C3orf38: variants seen among roughly 807,000 people sequenced by gnomAD.
C3orf38 encodes the protein uncharacterized protein C3orf38.
A neutral mutation model predicts 28.3 loss-of-function variants in C3orf38; 18 were observed. That is an observed-to-expected ratio of 0.64 (90% confidence interval 0.44 to 0.94). The LOEUF (loss-of-function observed/expected upper bound fraction) is 0.94. C3orf38 is among the 40% of genes least tolerant of loss of function. The pLI is 0.00. For synonymous variants in C3orf38, 145 were observed against 138.1 expected (o/e 1.05, Z -0.35); for missense variants, 364 against 396.4 (o/e 0.92, Z 0.69).
chr3:88,152,754 CAAAAAAAAAA>C (rs5850832), intron 1 of C3orf38, among the ~76,000 whole-genome samples: 4 of 100,988 alleles, frequency 4.0e-5, no homozygotes, highest in Non-Finnish European at 2.0e-5. Flanking sequence ...GACTCCGTCT[CAAAAAAAAAA>C]AAAAAAAAGA....
Position 88,153,316 on chromosome 3 carries a change from T to G in C3orf38, c.220T>G (p.Tyr74Asp), listed in dbSNP as rs777724555. The change falls in exon 2 of 3, where the codon TAC becomes GAC. Residue 74 changes from tyrosine to aspartate, a missense_variant. Tyr to Asp is a radical substitution (Grantham distance 160). Coordinates refer to ENST00000318887, the MANE Select transcript of C3orf38 (RefSeq NM_173824.4). The part of the protein sequence containing the change: ...RKVHREVIFK[Y>D]LATQGIVIPP... Reference sequence around the variant, plus strand: ...AGTCCACCGAGAAGTTATATTTAAGTACTTGGCAACACAGGGGATTGTTAT... The same window carrying G: ...AGTCCACCGAGAAGTTATATTTAAGGACTTGGCAACACAGGGGATTGTTAT... 19 of 1,613,480 alleles carry G rather than the reference T, an allele frequency of 1.2e-5. No homozygotes were observed. The highest frequency in any genetic ancestry group is 1.6e-5 in the Non-Finnish European group (19 of 1,179,932).
At position 88,156,707 on chromosome 3, in the gene C3orf38, G is replaced by A. The variant is rs1314883893; in HGVS notation, c.*72G>A. 4.5e-5 allele frequency: 67 copies of A among 1,476,980 alleles called. No individual in the cohort carries two copies. Among genetic ancestry groups the A allele is most frequent in the Non-Finnish European group, 5.8e-5 (64 of 1,100,880 alleles). 91.5% of individuals were successfully genotyped at this position (1,476,980 alleles called of 1,614,324 possible). On this transcript the variant is annotated 3_prime_UTR_variant, in exon 3 of 3. Coordinates refer to ENST00000318887, the MANE Select transcript of C3orf38 (RefSeq NM_173824.4). ...CTGACCCTCTAAAGCGCTAAGTACT[G>A]TCAGCCTGAAAAAAATCTTCTATAC...
At chr3:88,150,852 C>G (rs1436167327) in intron 1 of C3orf38, 2 of 152,044 alleles carry the variant, frequency 1.3e-5, no homozygotes, top group African/African-American at 2.4e-5. Flanking sequence ...TTCCAGATTC[C>G]CATATTAGTA....
Position 88,157,877 on chromosome 3 carries a change from T to C in C3orf38, c.*1242T>C, listed in dbSNP as rs905068460. The C allele has an allele frequency of 1.3e-5, 2 of 152,178 alleles. No individual in the cohort carries two copies. The highest frequency in any genetic ancestry group is 4.8e-5 in the African/African-American group (2 of 41,458). 9.4% of individuals were successfully genotyped at this position (152,178 alleles called of 1,614,324 possible). A position where few individuals can be genotyped will look rare whatever the true frequency, so the allele number is the denominator to read the frequency against. On this transcript the variant is annotated 3_prime_UTR_variant, in exon 3 of 3. Coordinates refer to ENST00000318887, the MANE Select transcript of C3orf38 (RefSeq NM_173824.4). Reference sequence around the variant, plus strand: ...GCCTGGAAACTCATCTTTGTTTTTTTAATGCTATGCCTCTTACGAGGAATA... The same window carrying C: ...GCCTGGAAACTCATCTTTGTTTTTTCAATGCTATGCCTCTTACGAGGAATA...
In C3orf38 at chr3:88,156,006, A is replaced by G. The variant is rs759661900; in HGVS notation, c.376-15A>G. On this transcript the variant is annotated splice_polypyrimidine_tract_variant and intron_variant, in intron 2 of 2. Coordinates refer to ENST00000318887, the MANE Select transcript of C3orf38 (RefSeq NM_173824.4). ...CTTAGTGTTATTTTGTATTTATTTTATTTGTTTCAATCAGCAGGTGAAAGA... is the reference window on the plus strand; with the variant it reads ...CTTAGTGTTATTTTGTATTTATTTTGTTTGTTTCAATCAGCAGGTGAAAGA... 3.3e-6 allele frequency: 5 copies of G among 1,511,316 alleles called. No individual in the cohort carries two copies. In the East Asian group the frequency reaches 1.1e-4, roughly 34 times the overall value. 93.6% of individuals were successfully genotyped at this position (1,511,316 alleles called of 1,614,324 possible).
chr3:88,152,791 C>A (rs984540808), intron 1 of C3orf38, among the ~76,000 whole-genome samples: 2 of 151,650 alleles, frequency 1.3e-5, no homozygotes, highest in Non-Finnish European at 2.9e-5. Flanking sequence ...ATCATTGATA[C>A]CTAATATGGC....
Position 88,156,258 on chromosome 3 carries a change from C to T in C3orf38, c.613C>T (p.Leu205=). 9 of 1,614,192 alleles carry T rather than the reference C, an allele frequency of 5.6e-6. No homozygotes were observed. Among genetic ancestry groups the T allele is most frequent in the Non-Finnish European group, 7.6e-6 (9 of 1,180,042 alleles). Residue 205 remains leucine (L), a synonymous_variant, in exon 3 of 3, where the codon CTA becomes TTA. Coordinates refer to ENST00000318887, the MANE Select transcript of C3orf38 (RefSeq NM_173824.4). ...AATCGTGAGCCTTCGTTTGCTGTCA[C>T]TAGTAAAAGAAGAATTTCTTTTTCT... ...AEIVSLRLLS[L]VKEEFLFLSP...
intron 1 of C3orf38, among the ~76,000 whole-genome samples, chr3:88,151,874 A>G (rs1376376262): frequency 6.6e-6 from 1 of 152,226 alleles, no homozygotes; most frequent in Non-Finnish European, 1.5e-5. Flanking sequence ...AACTAAATAT[A>G]GTTCAGGGAT....
Position 88,156,697 on chromosome 3 carries a change from G to C in C3orf38, c.*62G>C, listed in dbSNP as rs1242077119. The C allele has an allele frequency of 2.0e-6, 3 of 1,515,846 alleles. No homozygotes were observed. Among genetic ancestry groups the C allele is most frequent in the Admixed American group, 2.1e-5 (1 of 47,258 alleles). The allele number at this position is 1,515,846 out of a possible 1,614,324, so 93.9% of individuals were successfully genotyped here. ...CTGGGTTTACCTGACCCTCTAAAGC[G>C]CTAAGTACTGTCAGCCTGAAAAAAA... On this transcript the variant is annotated 3_prime_UTR_variant, in exon 3 of 3. Transcript: ENST00000318887.
intron 1 of C3orf38, among the ~76,000 whole-genome samples, chr3:88,152,687 G>A (rs1196106232): frequency 5.3e-5 from 8 of 151,182 alleles, no homozygotes; most frequent in African/African-American, 1.9e-4. Flanking sequence ...CCTGGGAGGC[G>A]GAGCTTGCAG....
intron 2 of C3orf38, among the ~76,000 whole-genome samples, chr3:88,155,008 C>T (rs1364172947): frequency 3.3e-5 from 5 of 151,880 alleles, no homozygotes; most frequent in South Asian, 2.1e-4. Flanking sequence ...TACAGGCATG[C>T]GCCACTACAC....
intron 1 of C3orf38, among the ~76,000 whole-genome samples, chr3:88,152,486 G>A (rs1388672404): frequency 2.0e-5 from 3 of 151,588 alleles, no homozygotes; most frequent in Admixed American, 1.3e-4. Flanking sequence ...AGTTGGGCCG[G>A]GCTTGGTGAC....
chr3:88,150,303 C>T, intron 1 of C3orf38, 118 bp downstream of exon 1: 1 of 1,233,644 alleles, frequency 8.1e-7, no homozygotes, highest in Non-Finnish European at 1.1e-6. Context: ...GCTCTGGAAC[C>T]ACTACGCCGA....
chr3:88,150,274 C>A, intron 1 of C3orf38, 89 bp downstream of exon 1: 1 of 1,466,736 alleles, frequency 6.8e-7, no homozygotes, highest in Non-Finnish European at 9.2e-7. Flanking sequence ...GGAATGTTGG[C>A]CGCAGCCGCA....
intron 2 of C3orf38, among the ~76,000 whole-genome samples, chr3:88,154,318 G>A (rs755391788): frequency 1.5e-4 from 23 of 151,556 alleles, no homozygotes; most frequent in Middle Eastern, 3.2e-3. Context: ...CCCAGCATGC[G>A]TTAGCTATTT....
chr3:88,151,483 G>T (rs1707412134), intron 1 of C3orf38, among the ~76,000 whole-genome samples: 1 of 152,150 alleles, frequency 6.6e-6, no homozygotes, highest in Non-Finnish European at 1.5e-5. Flanking sequence ...TCTCAAACTT[G>T]AATATGCTTT....
In C3orf38 at chr3:88,153,244, A is replaced by G. The variant is rs758288896; in HGVS notation, c.148A>G (p.Ile50Val). 9 of 1,612,032 alleles carry G rather than the reference A, an allele frequency of 5.6e-6. No individual in the cohort carries two copies. The South Asian group carries it at 9.9e-5, about 18-fold the overall frequency. ...TTTCTTTCTAGATGCTGTTCATGCAATATTAGCATACAGTCAAAGTGCAGA... is the reference window on the plus strand; with the variant it reads ...TTTCTTTCTAGATGCTGTTCATGCAGTATTAGCATACAGTCAAAGTGCAGA... ...PQDRQDAVHA[I>V]LAYSQSAEEL... Residue 50 changes from isoleucine to valine, a missense_variant, in exon 2 of 3, where the codon ATA (isoleucine) becomes GTA (valine). Ile to Val is a conservative substitution (Grantham distance 29). Coordinates refer to ENST00000318887, the MANE Select transcript of C3orf38 (RefSeq NM_173824.4).
chr3:88,156,800 A>T lies in C3orf38; in HGVS notation c.*165A>T, dbSNP rs1201706531. 1.4e-6 allele frequency: 1 copy of T among 728,146 alleles called. No homozygotes were observed. Among genetic ancestry groups the T allele is most frequent in the Non-Finnish European group, 2.2e-6 (1 of 462,486 alleles). The allele number at this position is 728,146 out of a possible 1,614,324, so 45.1% of individuals were successfully genotyped here. A position where few individuals can be genotyped will look rare whatever the true frequency, so the allele number is the denominator to read the frequency against. On this transcript the variant is annotated 3_prime_UTR_variant, in exon 3 of 3. Transcript: ENST00000318887. ...TCAGATGTGAAAATTGACATATTTT[A>T]GTTGAAATACCTTTCTGGACTACAG...
At position 88,156,467 on chromosome 3, in the gene C3orf38, A is replaced by G; in HGVS notation, c.822A>G (p.Lys274=). 1 of 1,614,104 alleles carries G rather than the reference A, an allele frequency of 6.2e-7. No individual in the cohort carries two copies. The highest frequency in any genetic ancestry group is 8.5e-7 in the Non-Finnish European group (1 of 1,180,022). ...NTWKIKFINL[K]IMGESSLAPG... is the part of the protein sequence containing the mutation. ...GGAAAATCAAATTTATCAACCTGAA[A>G]ATTATGGGAGAGAGTTCCCTTGCTC... is the stretch of plus-strand genomic sequence containing the variant. Residue 274 remains lysine (K), a synonymous_variant, in exon 3 of 3, where the codon AAA becomes AAG. Transcript: ENST00000318887.
Sources: allele counts gnomAD v4.1 joint callset (sites outside exome capture counted in the v4.1 genomes callset), GRCh38; gene constraint gnomAD v4.1.1; transcripts MANE v1.5; gene names NCBI Gene and HGNC (gene_info 2026-07-23, HGNC 2026-07-21).